The following IKBIP variants were observed in gnomAD, a reference collection of about 807,000 sequenced individuals.
The protein encoded by IKBIP is inhibitor of nuclear factor kappa-B kinase-interacting protein.
A neutral mutation model predicts 31.0 loss-of-function variants in IKBIP; 28 were observed. The observed-to-expected ratio is 0.90, with a 90% CI of 0.67 to 1.24. The LOEUF (loss-of-function observed/expected upper bound fraction) is 1.24, where lower values mean the gene tolerates loss of function less well. Among genes scored for constraint, IKBIP ranks in the 50% most tolerant of loss-of-function variants. IKBIP has a pLI of 0.00. For synonymous variants in IKBIP, 164 were observed against 160.3 expected, an observed-to-expected ratio of 1.02 and a Z score of -0.17; for missense variants, 453 against 441.9, an observed-to-expected ratio of 1.03 and a Z score of -0.23.
rs763114947 is a variant in IKBIP at position 98,626,050 on chromosome 12, T to C, written c.1014A>G (p.Gln338=). 1 of 1,589,780 alleles carries C rather than the reference T, an allele frequency of 6.3e-7. No individual in the cohort carries two copies. The highest frequency in any genetic ancestry group is 1.2e-5 in the South Asian group (1 of 86,530). The change falls in exon 3 of 3, where the codon CAA becomes CAG. Residue 338 remains glutamine, a synonymous_variant. Coordinates refer to ENST00000299157, the MANE Select transcript of IKBIP (RefSeq NM_153687.4). ...IQYDNSILKM[Q]NELDILKEKV... is the part of the protein sequence containing the mutation. ...TTTCTTTTAGAATATCCAGTTCATT[T>C]TGCATCTTTAATATGCTATTATCAT...
At chr12:98,632,807 A>G (rs1408045040) in intron 2 of IKBIP, among the ~76,000 whole-genome samples, 1 of 151,550 alleles carries the variant, frequency 6.6e-6, no homozygotes, top group Non-Finnish European at 1.5e-5. Context: ...TTGTATTTTT[A>G]GTAGAGACAG....
intron 2 of IKBIP, among the ~76,000 whole-genome samples, chr12:98,616,722 C>T (rs2153293579): frequency 6.6e-6 from 1 of 152,290 alleles, no homozygotes; most frequent in African/African-American, 2.4e-5. Flanking sequence ...GTTTTCTCAA[C>T]AGCATTTATT....
intron 2 of IKBIP, among the ~76,000 whole-genome samples, chr12:98,628,468 T>C (rs1223500332): frequency 6.6e-6 from 1 of 152,244 alleles, no homozygotes; most frequent in Non-Finnish European, 1.5e-5. Context: ...CTCCCTATGC[T>C]ATCCTCCTCT....
At chr12:98,627,174 G>A (rs903947883) in intron 2 of IKBIP, among the ~76,000 whole-genome samples, 1 of 151,542 alleles carries the variant, frequency 6.6e-6, no homozygotes, top group African/African-American at 2.4e-5. Flanking sequence ...TCACCATGCT[G>A]GCCAGGCTGG....
At chr12:98,642,565 T>C (rs1019097135) in intron 1 of IKBIP, among the ~76,000 whole-genome samples, 2 of 151,220 alleles carry the variant, frequency 1.3e-5, no homozygotes, top group Non-Finnish European at 2.9e-5. Context: ...AAAATTAACA[T>C]ATTCCGTATT....
At chr12:98,622,937 T>C (rs185685186), downstream of IKBIP, among the ~76,000 whole-genome samples, 166 of 145,048 alleles carry the variant, frequency 1.1e-3, 14 homozygotes, top group African/African-American at 4.2e-3. Flanking sequence ...GCTTGTATTG[T>C]AAAAGTGATT....
rs1320241253 is a variant in IKBIP at position 98,644,752 on chromosome 12, A to G, written c.-51T>C. ...CCAGGGCAGCTTCTTCACCAGGGGGAGCAGGACGTGGCCGCCTTGGCGTTC... is the reference window on the plus strand; with the variant it reads ...CCAGGGCAGCTTCTTCACCAGGGGGGGCAGGACGTGGCCGCCTTGGCGTTC... On this transcript the variant is annotated 5_prime_UTR_variant, in exon 1 of 3. Coordinates refer to ENST00000299157, the MANE Select transcript of IKBIP (RefSeq NM_153687.4). The G allele has an allele frequency of 8.3e-6, 13 of 1,560,862 alleles. No homozygotes were observed. The highest frequency in any genetic ancestry group is 1.0e-5 in the Non-Finnish European group (12 of 1,159,382).
chr12:98,613,623 T>C (rs1484279557), exon 3 of IKBIP: 1 of 1,543,358 alleles, frequency 6.5e-7, no homozygotes, highest in Admixed American at 1.9e-5. Flanking sequence ...TCATCTTTAA[T>C]ATCCTTAATC....
At chr12:98,614,796 A>G (rs192528509) in intron 2 of IKBIP, among the ~76,000 whole-genome samples, 2 of 152,298 alleles carry the variant, frequency 1.3e-5, no homozygotes, top group Admixed American at 1.3e-4. Context: ...ACGACTTCAG[A>G]AGTAAGAGAA....
intron 2 of IKBIP, among the ~76,000 whole-genome samples, chr12:98,634,006 C>T (rs2097623471): frequency 6.6e-6 from 1 of 152,160 alleles, no homozygotes; most frequent in African/African-American, 2.4e-5. Flanking sequence ...ACCATATTTT[C>T]AATGCTCTAG....
intron 2 of IKBIP, chr12:98,614,404 T>C: frequency 1.2e-6 from 1 of 847,868 alleles, no homozygotes; most frequent in Non-Finnish European, 1.7e-6. Flanking sequence ...AAAATTCATC[T>C]TAAATTTTAT....
chr12:98,643,627 A>C (rs2097633280), intron 1 of IKBIP, among the ~76,000 whole-genome samples: 1 of 152,138 alleles, frequency 6.6e-6, no homozygotes, highest in Admixed American at 6.5e-5. Context: ...ACCTGATTTT[A>C]AAACTGCAAC....
intron 1 of IKBIP, among the ~76,000 whole-genome samples, chr12:98,641,878 C>T (rs1218927741): frequency 1.3e-5 from 2 of 152,194 alleles, no homozygotes; most frequent in African/African-American, 2.4e-5. Context: ...TGGTTTCAAA[C>T]TCCTGACCTC....
In IKBIP at chr12:98,625,503, A is replaced by G. The variant is rs887762176; in HGVS notation, c.*427T>C. On this transcript the variant is annotated 3_prime_UTR_variant, in exon 3 of 3. Coordinates refer to ENST00000299157, the MANE Select transcript of IKBIP (RefSeq NM_153687.4). ...CAGGCACATTACCAACCAACCTGACAGTAAGTTCAGGTGACAGAAAAGGTA... is the reference window on the plus strand; with the variant it reads ...CAGGCACATTACCAACCAACCTGACGGTAAGTTCAGGTGACAGAAAAGGTA... 5.9e-6 allele frequency: 1 copy of G among 169,196 alleles called. No homozygotes were observed. Among genetic ancestry groups the G allele is most frequent in the African/African-American group, 2.4e-5 (1 of 41,808 alleles). 10.5% of individuals were successfully genotyped at this position (169,196 alleles called of 1,614,324 possible).
chr12:98,621,990 C>T (rs907682018), downstream of IKBIP, among the ~76,000 whole-genome samples: 10 of 151,578 alleles, frequency 6.6e-5, no homozygotes, highest in Non-Finnish European at 1.2e-4. Context: ...GCAGGAGAAC[C>T]GCTTGAACCC....
At chr12:98,619,230 A>G (rs1410092737) in intron 2 of IKBIP, among the ~76,000 whole-genome samples, 1 of 152,236 alleles carries the variant, frequency 6.6e-6, no homozygotes, top group African/African-American at 2.4e-5. Flanking sequence ...AGTGTATTTG[A>G]TGAAACAATC....
chr12:98,624,509 A>T lies in IKBIP; in HGVS notation c.*1421T>A. Reference sequence around the variant, plus strand: ...CAAATTTACATATTAAAACTACTTGACCACAACTACCTTTTTGTAACTGAC... The same window carrying T: ...CAAATTTACATATTAAAACTACTTGTCCACAACTACCTTTTTGTAACTGAC... On this transcript the variant is annotated 3_prime_UTR_variant, in exon 3 of 3. Coordinates refer to ENST00000299157, the MANE Select transcript of IKBIP (RefSeq NM_153687.4). The T allele has an allele frequency of 1.0e-6, 1 of 985,336 alleles. No homozygotes were observed. Among genetic ancestry groups the T allele is most frequent in the Non-Finnish European group, 1.2e-6 (1 of 829,864 alleles). The allele number at this position is 985,336 out of a possible 1,614,324, so 61.0% of individuals were successfully genotyped here.
chr12:98,644,496 G>A, intron 1 of IKBIP, 27 bp downstream of exon 1: 1 of 1,554,120 alleles, frequency 6.4e-7, no homozygotes, highest in East Asian at 2.4e-5. Context: ...ACAGGAGGCC[G>A]GCCCAGGCAG....
chr12:98,615,471 C>T (rs948287241), intron 2 of IKBIP, among the ~76,000 whole-genome samples: 12 of 152,174 alleles, frequency 7.9e-5, no homozygotes, highest in Admixed American at 4.6e-4. Flanking sequence ...TCAAGTGATT[C>T]GCCCGCCTCG....
Sources: gnomAD v4.1 joint callset for allele counts (sites outside exome capture counted in the v4.1 genomes callset) on GRCh38, gnomAD v4.1.1 for gene constraint, MANE v1.5 for transcripts, NCBI Gene and HGNC (gene_info 2026-07-23, HGNC 2026-07-21) for gene names.